The following MACROD2 variants were observed in gnomAD, a reference collection of about 807,000 sequenced individuals.
MACROD2 encodes ADP-ribose glycohydrolase MACROD2.
In MACROD2, 36 loss-of-function variants were observed where a neutral mutation model predicts 70.4. The ratio of observed to expected loss-of-function variants is 0.51; its 90% CI spans 0.39 to 0.68. The LOEUF (loss-of-function observed/expected upper bound fraction) is 0.68. Among genes scored for constraint, MACROD2 ranks in the 30% least tolerant of loss-of-function variants. MACROD2 has a pLI of 0.00. For missense variants in MACROD2, 496 were observed against 538.4 expected, an observed-to-expected ratio of 0.92 and a Z score of 0.78; for synonymous variants, 172 against 178.8, an observed-to-expected ratio of 0.96 and a Z score of 0.30.
intron 7 of MACROD2, among the ~76,000 whole-genome samples, chr20:15,452,812 G>A (rs1344376900): frequency 2.6e-5 from 4 of 152,110 alleles, no homozygotes; most frequent in African/African-American, 9.7e-5. Flanking sequence ...GTTTCTCTAA[G>A]TTTTTCCATT....
At chr20:15,520,789 C>T (rs1294801053) in intron 8 of MACROD2, among the ~76,000 whole-genome samples, 3 of 152,234 alleles carry the variant, frequency 2.0e-5, no homozygotes, top group African/African-American at 7.2e-5. Context: ...ATTCTCTGAT[C>T]AAGTTCCTTC....
chr20:14,565,361 T>A (rs988272203), intron 4 of MACROD2, among the ~76,000 whole-genome samples: 3 of 151,298 alleles, frequency 2.0e-5, no homozygotes, highest in Non-Finnish European at 3.0e-5. Flanking sequence ...AAAAAAAAAT[T>A]TTTTTTTAAA....
At chr20:14,967,757 T>A (rs2074652291) in intron 5 of MACROD2, among the ~76,000 whole-genome samples, 1 of 152,196 alleles carries the variant, frequency 6.6e-6, no homozygotes, top group South Asian at 2.1e-4. Context: ...GTCTGCCAAT[T>A]TACTTCATAT....
chr20:14,174,750 T>C (rs1011748392), intron 3 of MACROD2, among the ~76,000 whole-genome samples: 3 of 152,210 alleles, frequency 2.0e-5, no homozygotes, highest in African/African-American at 7.2e-5. Flanking sequence ...AGTTTCCTTC[T>C]TCCTATGGTC....
In MACROD2 at chr20:14,984,990, C is replaced by T. The variant is rs183923464; in HGVS notation, c.419-244950C>T. ...TTGTCTCTGGGAGTTAGCAAGTCACCTTTAAATGAGAAAACAGTGTGACCT... is the reference window on the plus strand; with the variant it reads ...TTGTCTCTGGGAGTTAGCAAGTCACTTTTAAATGAGAAAACAGTGTGACCT... On this transcript the variant is annotated intron_variant, in intron 5 of 17. Coordinates refer to ENST00000684519, the MANE Select transcript of MACROD2 (RefSeq NM_001351661.2). 5.0e-3 allele frequency among the ~76,000 whole-genome samples: 766 copies of T among 152,292 alleles called. 13 individuals are homozygous for T. The highest frequency in any genetic ancestry group is 0.037 in the South Asian group (176 of 4,818).
chr20:15,348,477 G>T (rs1264132731), intron 6 of MACROD2, among the ~76,000 whole-genome samples: 1 of 152,124 alleles, frequency 6.6e-6, no homozygotes, highest in Non-Finnish European at 1.5e-5. Context: ...AAGAAATCAA[G>T]TTTTGGAAAA....
At chr20:14,042,918 G>GT (rs573192408) in intron 2 of MACROD2, among the ~76,000 whole-genome samples, 27,379 of 141,080 alleles carry the variant, frequency 0.19, 2,705 homozygotes, top group Admixed American at 0.25. Flanking sequence ...CAGGTGGTGG[G>GT]TTTTTTTTTT....
intron 9 of MACROD2, among the ~76,000 whole-genome samples, chr20:15,878,458 A>C (rs1028143461): frequency 6.6e-6 from 1 of 152,136 alleles, no homozygotes; most frequent in African/African-American, 2.4e-5. Flanking sequence ...TTGCATTTCT[A>C]ACAAGCGTTC....
intron 5 of MACROD2, among the ~76,000 whole-genome samples, chr20:14,837,268 C>T (rs963217099): frequency 6.6e-6 from 1 of 151,886 alleles, no homozygotes; most frequent in African/African-American, 2.4e-5. Flanking sequence ...AATATCTTTA[C>T]AAAGACAAAC....
intron 3 of MACROD2, among the ~76,000 whole-genome samples, chr20:14,397,450 T>A (rs2083592952): frequency 6.6e-6 from 1 of 152,252 alleles, no homozygotes; most frequent in Non-Finnish European, 1.5e-5. Context: ...AATAACATTG[T>A]AGTTTATGTA....
chr20:14,819,611 T>C (rs1184181766), intron 5 of MACROD2, among the ~76,000 whole-genome samples: 1 of 152,004 alleles, frequency 6.6e-6, no homozygotes, highest in African/African-American at 2.4e-5. Flanking sequence ...AGTGTTGTGA[T>C]GGGAAATTCA....
chr20:14,170,308 A>G (rs1419269224), intron 3 of MACROD2, among the ~76,000 whole-genome samples: 1 of 152,092 alleles, frequency 6.6e-6, no homozygotes, highest in Non-Finnish European at 1.5e-5. Flanking sequence ...AGTTTGACTA[A>G]CTCTTTAATG....
At chr20:14,032,401 A>G (rs2053256198) in intron 2 of MACROD2, among the ~76,000 whole-genome samples, 1 of 152,160 alleles carries the variant, frequency 6.6e-6, no homozygotes, top group South Asian at 2.1e-4. Context: ...ATGGCCGAAA[A>G]GGTTTATACC....
At chr20:14,612,431 G>A (rs1983224563) in intron 4 of MACROD2, among the ~76,000 whole-genome samples, 1 of 151,962 alleles carries the variant, frequency 6.6e-6, no homozygotes, top group Admixed American at 6.6e-5. Context: ...GTGGATATTG[G>A]AACAGATATA....
intron 8 of MACROD2, among the ~76,000 whole-genome samples, chr20:15,840,757 A>G (rs544530071): frequency 4.6e-5 from 7 of 152,208 alleles, no homozygotes; most frequent in Admixed American, 3.9e-4. Context: ...GACTAACTCT[A>G]CTGGAAAAAA....
intron 4 of MACROD2, among the ~76,000 whole-genome samples, chr20:14,612,696 C>T (rs6135206): frequency 0.14 from 20,770 of 151,956 alleles, 1,841 homozygotes; most frequent in South Asian, 0.37. Context: ...GCTATGAGGT[C>T]GGACCTCCCT....
At chr20:14,494,496 A>T (rs1208853396) in intron 4 of MACROD2, among the ~76,000 whole-genome samples, 1 of 152,170 alleles carries the variant, frequency 6.6e-6, no homozygotes, top group African/African-American at 2.4e-5. Flanking sequence ...TCGTATTATC[A>T]CATGTCAGTG....
intron 6 of MACROD2, among the ~76,000 whole-genome samples, chr20:15,361,465 G>A (rs1021675807): frequency 6.6e-6 from 1 of 152,086 alleles, no homozygotes; most frequent in African/African-American, 2.4e-5. Flanking sequence ...TTTGATTGAT[G>A]TTGCTATATA....
intron 5 of MACROD2, among the ~76,000 whole-genome samples, chr20:14,877,012 A>G (rs1469412932): frequency 6.6e-6 from 1 of 152,036 alleles, no homozygotes; most frequent in African/African-American, 2.4e-5. Flanking sequence ...TGATGTTGAT[A>G]ATTTGTTAGG....
Sources: gnomAD v4.1 joint callset for allele counts (sites outside exome capture counted in the v4.1 genomes callset) on GRCh38, gnomAD v4.1.1 for gene constraint, MANE v1.5 for transcripts, NCBI Gene and HGNC (gene_info 2026-07-23, HGNC 2026-07-21) for gene names.